CACNA2D1: variants seen among roughly 807,000 people sequenced by gnomAD.
The protein encoded by CACNA2D1 is voltage-dependent calcium channel subunit alpha-2/delta-1.
A neutral mutation model predicts 171.5 loss-of-function variants in CACNA2D1; 53 were observed. That is an observed-to-expected ratio of 0.31 (90% CI 0.25 to 0.39). CACNA2D1 has a LOEUF of 0.39. CACNA2D1 is among the 10% of genes least tolerant of loss of function. The probability of loss-of-function intolerance (pLI) is 1.00; values close to 1 mark genes in which losing one functional copy is unlikely to be tolerated. For missense variants in CACNA2D1, 903 were observed against 1,299.8 expected, an observed-to-expected ratio of 0.69 and a Z score of 4.69; for synonymous variants, 442 against 443.1, an observed-to-expected ratio of 1.00 and a Z score of 0.03.
intron 5 of CACNA2D1, among the ~76,000 whole-genome samples, chr7:82,132,801 C>T (rs1791149340): frequency 6.6e-6 from 1 of 152,142 alleles, no homozygotes; most frequent in African/African-American, 2.4e-5. Flanking sequence ...ATATACTAAT[C>T]AATACAACAT....
chr7:82,211,455 C>T (rs1800542051), intron 3 of CACNA2D1, among the ~76,000 whole-genome samples: 1 of 152,142 alleles, frequency 6.6e-6, no homozygotes, highest in South Asian at 2.1e-4. Context: ...TGAGAACATG[C>T]AGCATTTGGT....
intron 1 of CACNA2D1, among the ~76,000 whole-genome samples, chr7:82,409,260 T>G (rs1827394699): frequency 6.6e-6 from 1 of 151,216 alleles, no homozygotes; most frequent in Non-Finnish European, 1.5e-5. Flanking sequence ...TCTTGTGACT[T>G]TTTTTCAATT....
intron 3 of CACNA2D1, among the ~76,000 whole-genome samples, chr7:82,224,681 C>CA (rs1802166090): frequency 6.6e-6 from 1 of 152,198 alleles, no homozygotes; most frequent in Admixed American, 6.6e-5. Context: ...CCTGTCTTAA[C>CA]AGAAACTGTG....
intron 20 of CACNA2D1, 93 bp from the exon 21 acceptor site, chr7:81,991,339 A>G (rs1420432297): frequency 1.3e-6 from 1 of 745,116 alleles, no homozygotes; most frequent in Non-Finnish European, 2.5e-6. Flanking sequence ...TAAATTTTGT[A>G]GTCATTTAAT....
chr7:82,220,464 C>T (rs1801622748), intron 3 of CACNA2D1, among the ~76,000 whole-genome samples: 1 of 152,230 alleles, frequency 6.6e-6, no homozygotes, highest in Admixed American at 6.5e-5. Flanking sequence ...GACTCTTTTA[C>T]ATTCTCAAAA....
intron 3 of CACNA2D1, among the ~76,000 whole-genome samples, chr7:82,182,826 G>A (rs1585028665): frequency 6.6e-6 from 1 of 151,830 alleles, no homozygotes; most frequent in African/African-American, 2.4e-5. Context: ...TCACGAAGTC[G>A]GGAGTTCGAG....
chr7:81,971,098 G>A, intron 26 of CACNA2D1: 1 of 244,884 alleles, frequency 4.1e-6, no homozygotes, highest in Non-Finnish European at 8.0e-6. Flanking sequence ...GAGAGAAACA[G>A]TAAGAAGTAA....
chr7:81,949,104 T>G lies in CACNA2D1; in HGVS notation c.*1288A>C. ...GGGCAAAAGCAGCAGTAGCAGGAAC[T>G]TTTGGATTGTATGTGCTACTATTGA... On this transcript the variant is annotated 3_prime_UTR_variant, in exon 39 of 39. Transcript: ENST00000356860. The G allele has an allele frequency of 6.6e-6, 1 of 152,034 alleles. No homozygotes were observed. Among genetic ancestry groups the G allele is most frequent in the East Asian group, 1.9e-4 (1 of 5,184 alleles). 9.4% of individuals were successfully genotyped at this position (152,034 alleles called of 1,614,324 possible). A position where few individuals can be genotyped will look rare whatever the true frequency, so the allele number is the denominator to read the frequency against.
At chr7:82,017,299 A>T (rs555431258) in intron 12 of CACNA2D1, among the ~76,000 whole-genome samples, 2 of 152,206 alleles carry the variant, frequency 1.3e-5, no homozygotes, top group East Asian at 3.9e-4. Context: ...AAATCAATAT[A>T]AAAAAATTTC....
At chr7:82,401,106 T>C (rs1826351408) in intron 1 of CACNA2D1, among the ~76,000 whole-genome samples, 1 of 152,114 alleles carries the variant, frequency 6.6e-6, no homozygotes, top group African/African-American at 2.4e-5. Flanking sequence ...ACACTGTTGG[T>C]GGGACTGTAA....
At chr7:82,347,505 G>A (rs1044816845) in intron 2 of CACNA2D1, among the ~76,000 whole-genome samples, 1 of 152,002 alleles carries the variant, frequency 6.6e-6, no homozygotes, top group African/African-American at 2.4e-5. Flanking sequence ...GCCCTGCTAA[G>A]CTCCTGTATT....
intron 7 of CACNA2D1, among the ~76,000 whole-genome samples, chr7:82,083,429 A>G (rs1810045855): frequency 1.3e-5 from 2 of 151,766 alleles, no homozygotes; most frequent in African/African-American, 2.4e-5. Context: ...ATGTTGTCTT[A>G]TATAAGTATT....
At chr7:81,980,183 A>C (rs1479685142) in intron 24 of CACNA2D1, among the ~76,000 whole-genome samples, 9 of 140,982 alleles carry the variant, frequency 6.4e-5, no homozygotes, top group African/African-American at 2.4e-4. Flanking sequence ...AAAAAAAAAA[A>C]AAAAAAAAAA....
chr7:82,148,326 A>T (rs1486532261), intron 4 of CACNA2D1, among the ~76,000 whole-genome samples: 1 of 146,046 alleles, frequency 6.8e-6, no homozygotes, highest in Admixed American at 6.8e-5. Context: ...CATAGTTAGA[A>T]AAAAAAAAAA....
At position 82,013,869 on chromosome 7, in the gene CACNA2D1, G is replaced by GA. The variant is rs527759930; in HGVS notation, c.1223-360dup. On this transcript the variant is annotated intron_variant, in intron 13 of 38. Coordinates refer to ENST00000356860, the MANE Select transcript of CACNA2D1 (RefSeq NM_000722.4). ...AATCTTTGCCTAAATATAACTTTCA[G>GA]AAAAAATTTAAGTTCTTTTTGTTGC... 2.2e-3 allele frequency among the ~76,000 whole-genome samples: 335 copies of GA among 151,850 alleles called. 4 individuals carry two copies. Among genetic ancestry groups the GA allele is most frequent in the Admixed American group, 2.5e-3 (38 of 15,244 alleles).
intron 18 of CACNA2D1, among the ~76,000 whole-genome samples, chr7:82,002,602 A>C (rs1162317054): frequency 6.6e-6 from 1 of 152,202 alleles, no homozygotes; most frequent in African/African-American, 2.4e-5. Context: ...TAGATTATGC[A>C]CAATTTCCTA....
At chr7:82,255,045 C>G (rs1806130521) in intron 3 of CACNA2D1, among the ~76,000 whole-genome samples, 1 of 152,172 alleles carries the variant, frequency 6.6e-6, no homozygotes, top group Admixed American at 6.5e-5. Context: ...TCTAGTCAGT[C>G]TGATCTTTCC....
intron 3 of CACNA2D1, among the ~76,000 whole-genome samples, chr7:82,250,133 T>A (rs1805455721): frequency 6.6e-6 from 1 of 152,206 alleles, no homozygotes; most frequent in Non-Finnish European, 1.5e-5. Flanking sequence ...AACCCATTCC[T>A]GAGACATTGA....
intron 1 of CACNA2D1, among the ~76,000 whole-genome samples, chr7:82,395,758 T>C (rs1179432848): frequency 6.6e-6 from 1 of 152,184 alleles, no homozygotes; most frequent in Non-Finnish European, 1.5e-5. Context: ...TGTTTAGTAT[T>C]ATAGTAAGTA....
Sources: gnomAD v4.1 joint callset for allele counts (sites outside exome capture counted in the v4.1 genomes callset) on GRCh38, gnomAD v4.1.1 for gene constraint, MANE v1.5 for transcripts, NCBI Gene and HGNC (gene_info 2026-07-23, HGNC 2026-07-21) for gene names.